IGF2R: variants seen among roughly 807,000 people sequenced by gnomAD.
IGF2R encodes insulin like growth factor 2 receptor.
A neutral mutation model predicts 270.6 loss-of-function variants in IGF2R; 91 were observed. That is an observed-to-expected ratio of 0.34 (90% CI 0.28 to 0.40). The LOEUF (loss-of-function observed/expected upper bound fraction) is 0.40, where lower values mean the gene tolerates loss of function less well. Among genes scored for constraint, IGF2R ranks in the 10% least tolerant of loss-of-function variants. The probability of loss-of-function intolerance (pLI) is 1.00; values close to 1 mark genes in which losing one functional copy is unlikely to be tolerated. For missense variants in IGF2R, 2,805 were observed against 3,188.3 expected, an observed-to-expected ratio of 0.88 and a Z score of 2.90; for synonymous variants, 1,316 against 1,258.9, an observed-to-expected ratio of 1.05 and a Z score of -0.96.
intron 19 of IGF2R, among the ~76,000 whole-genome samples, chr6:160,051,828 G>A (rs1473620751): frequency 1.3e-5 from 2 of 152,074 alleles, no homozygotes; most frequent in Non-Finnish European, 2.9e-5. Flanking sequence ...CAAGTGTGGT[G>A]GCTCATGCCT....
chr6:160,056,282 C>T, intron 19 of IGF2R, 142 bp from the exon 20 acceptor site: 1 of 648,676 alleles, frequency 1.5e-6, no homozygotes, highest in Non-Finnish European at 2.8e-6. Context: ...AGGTAATGCA[C>T]ATTAAGTGCC....
At position 160,084,433 on chromosome 6, in the gene IGF2R, A is replaced by T. The variant is rs1345422378; in HGVS notation, c.6068+249A>T. ...GAAACGGAGCCTCTGGAGCTGGAAG[A>T]ACCTGGGCGGACTGAGTTAGGCTGG... is the stretch of plus-strand genomic sequence containing the variant. On this transcript the variant is annotated intron_variant, in intron 40 of 47. Transcript: ENST00000356956. This position sits in a 1 kb window ranked among gnomAD's most constrained non-coding sequence, Gnocchi z 4.6. Among the ~76,000 whole-genome samples, 1 of 152,118 alleles carries T rather than the reference A, an allele frequency of 6.6e-6. No homozygotes were observed. Among genetic ancestry groups the T allele is most frequent in the East Asian group, 1.9e-4 (1 of 5,190 alleles).
In IGF2R at chr6:160,065,814, G is replaced by GTATATATATA. The variant is rs59035193; in HGVS notation, c.4115+935_4115+944dup. 8.1e-3 allele frequency among the ~76,000 whole-genome samples: 636 copies of GTATATATATA among 78,164 alleles called. 8 individuals carry two copies. The highest frequency in any genetic ancestry group is 0.011 in the Non-Finnish European group (457 of 42,826). The allele number at this position is 78,164 out of a possible 152,430, so 51.3% of individuals were successfully genotyped here. ...TGTGTGTGTGTGTGTGTGTGTGTGTGTATATATATATATATATATATATAT... is the reference window on the plus strand; with the variant it reads ...TGTGTGTGTGTGTGTGTGTGTGTGTGTATATATATATATATATATATATATATATATATAT... On this transcript the variant is annotated intron_variant, in intron 29 of 47. Coordinates refer to ENST00000356956, the MANE Select transcript of IGF2R (RefSeq NM_000876.4).
At chr6:160,000,472 C>T (rs955917327) in intron 2 of IGF2R, among the ~76,000 whole-genome samples, 3 of 152,134 alleles carry the variant, frequency 2.0e-5, no homozygotes, top group Non-Finnish European at 4.4e-5. Flanking sequence ...CACCAGGCCC[C>T]ACCTCCAACA....
At chr6:159,996,430 C>T (rs1583248603) in intron 2 of IGF2R, among the ~76,000 whole-genome samples, 2 of 152,270 alleles carry the variant, frequency 1.3e-5, no homozygotes, top group East Asian at 1.9e-4. Context: ...GCCTGAGCTA[C>T]CTGCTCAGCC....
At chr6:160,097,746 T>G (rs1562378565) in intron 45 of IGF2R, among the ~76,000 whole-genome samples, 1 of 152,080 alleles carries the variant, frequency 6.6e-6, no homozygotes, top group African/African-American at 2.4e-5. Flanking sequence ...GACCGTAGAG[T>G]CAGCAGACGA....
intron 41 of IGF2R, 60 bp downstream of exon 41, chr6:160,085,191 G>C: frequency 6.4e-7 from 1 of 1,569,870 alleles, no homozygotes; most frequent in South Asian, 1.1e-5. Flanking sequence ...GGGAAGGTGA[G>C]GGTGTTCTCA....
rs1320234880 is a variant in IGF2R, at chr6:160,110,094, GACCAC to G, written c.*5013_*5017del. On this transcript the variant is annotated 3_prime_UTR_variant, in exon 48 of 48. Coordinates refer to ENST00000356956, the MANE Select transcript of IGF2R (RefSeq NM_000876.4). ...TCAGAGTCTTTAAAGGAGAGTTGCTGACCACACGTGAAATCACAATAGAAAATGGC... is the reference window on the plus strand; with the variant it reads ...TCAGAGTCTTTAAAGGAGAGTTGCTGACGTGAAATCACAATAGAAAATGGC... 5 of 152,204 alleles carry G rather than the reference GACCAC, an allele frequency of 3.3e-5. No homozygotes were observed. 9.4% of individuals were successfully genotyped at this position (152,204 alleles called of 1,614,324 possible). A position where few individuals can be genotyped will look rare whatever the true frequency, so the allele number is the denominator to read the frequency against.
chr6:159,992,049 G>A (rs536258521), intron 2 of IGF2R, among the ~76,000 whole-genome samples: 7 of 152,180 alleles, frequency 4.6e-5, no homozygotes, highest in East Asian at 3.9e-4. Flanking sequence ...ATGGATGTCC[G>A]TGGTGACCTT....
rs1779519854 is a variant in IGF2R at position 160,102,866 on chromosome 6, A to C, written c.6995+195A>C. 6.6e-6 allele frequency among the ~76,000 whole-genome samples: 1 copy of C among 152,174 alleles called. No individual in the cohort carries two copies. The highest frequency in any genetic ancestry group is 2.1e-4 in the South Asian group (1 of 4,828). Reference sequence around the variant, plus strand: ...TAAATGCCTGCATTTCTGTCTGACCAAGGCCGAGGCCCTCGCACATCACCC... The same window carrying C: ...TAAATGCCTGCATTTCTGTCTGACCCAGGCCGAGGCCCTCGCACATCACCC... On this transcript the variant is annotated intron_variant, in intron 46 of 47. Coordinates refer to ENST00000356956, the MANE Select transcript of IGF2R (RefSeq NM_000876.4). The surrounding 1 kb of genome is among the most constrained non-coding windows in gnomAD (Gnocchi z 4.5).
rs1327746983 is a variant in IGF2R at position 160,047,827 on chromosome 6, C to T, written c.2265C>T (p.Tyr755=). Residue 755 remains tyrosine, a synonymous_variant, in exon 17 of 48, where the codon TAC becomes TAT. Coordinates refer to ENST00000356956, the MANE Select transcript of IGF2R (RefSeq NM_000876.4). The part of the protein sequence containing the change: ...EDNSTYNFRW[Y]TSYACPEEPL... ...ACTCCACCTACAACTTCCGGTGGTA[C>T]ACCAGCTATGCCTGCCCGGAGGAGC... 6.2e-7 allele frequency: 1 copy of T among 1,614,078 alleles called. No individual in the cohort carries two copies. The highest frequency in any genetic ancestry group is 8.5e-7 in the Non-Finnish European group (1 of 1,179,882).
intron 36 of IGF2R, 39 bp from the exon 37 acceptor site, chr6:160,078,162 C>T: frequency 6.2e-7 from 1 of 1,607,522 alleles, no homozygotes; most frequent in South Asian, 1.1e-5. Context: ...TATCCCTATG[C>T]CATGGGGTTT....
At chr6:160,021,884 T>C (rs1403517941) in intron 4 of IGF2R, among the ~76,000 whole-genome samples, 1 of 152,198 alleles carries the variant, frequency 6.6e-6, no homozygotes, top group Non-Finnish European at 1.5e-5. Context: ...CTACTGGGTA[T>C]CTACACAAAG....
chr6:160,095,610 A>C (rs1779338997), intron 44 of IGF2R: 1 of 152,216 alleles, frequency 6.6e-6, no homozygotes, highest in South Asian at 2.1e-4. Flanking sequence ...ACCACTGCTA[A>C]TCCCTTAGAA....
intron 8 of IGF2R, 76 bp from the exon 9 acceptor site, chr6:160,032,866 G>T: frequency 1.4e-6 from 2 of 1,391,952 alleles, no homozygotes; most frequent in South Asian, 2.7e-5. Context: ...ATTCAGGTTT[G>T]ACTAAGTAAG....
chr6:160,103,083 G>C (rs193258119), intron 46 of IGF2R, among the ~76,000 whole-genome samples: 1 of 152,270 alleles, frequency 6.6e-6, no homozygotes, highest in African/African-American at 2.4e-5. Context: ...ACTTTGCTGG[G>C]TGAAAGGACT....
Position 160,102,403 on chromosome 6 carries a change from C to A in IGF2R, c.6843-116C>A. 8.8e-7 allele frequency: 1 copy of A among 1,133,584 alleles called. No homozygotes were observed. Among genetic ancestry groups the A allele is most frequent in the Non-Finnish European group, 1.3e-6 (1 of 779,840 alleles). 70.2% of individuals were successfully genotyped at this position (1,133,584 alleles called of 1,614,324 possible). ...TTGTTTTCTGGGCAGGAGTAAGAAT[C>A]ACATGGTGTTGGGAAAGTCAGAGCT... On this transcript the variant is annotated intron_variant, in intron 45 of 47. Transcript: ENST00000356956. The surrounding 1 kb of genome is among the most constrained non-coding windows in gnomAD (Gnocchi z 4.5).
intron 10 of IGF2R, among the ~76,000 whole-genome samples, chr6:160,040,029 G>A (rs532545671): frequency 1.3e-5 from 2 of 152,310 alleles, no homozygotes; most frequent in South Asian, 2.1e-4. Context: ...GGACCTTGGC[G>A]TGCTTCACTG....
rs1413185906 is a variant in IGF2R at position 160,110,823 on chromosome 6, A to G, written c.*5739A>G. On this transcript the variant is annotated 3_prime_UTR_variant, in exon 48 of 48. Transcript: ENST00000356956. ...GCTAAGTGAAATAAGCCAGACACAG[A>G]AAGAAAAATACCAGATGATCTCACT... The G allele has an allele frequency of 6.6e-6, 1 of 152,230 alleles. No individual in the cohort carries two copies. Among genetic ancestry groups the G allele is most frequent in the Non-Finnish European group, 1.5e-5 (1 of 68,038 alleles). The allele number at this position is 152,230 out of a possible 1,614,324, so 9.4% of individuals were successfully genotyped here. A position where few individuals can be genotyped will look rare whatever the true frequency, so the allele number is the denominator to read the frequency against.
Sources: gnomAD v4.1 joint callset for allele counts (sites outside exome capture counted in the v4.1 genomes callset) on GRCh38, gnomAD v4.1.1 for gene constraint, Gnocchi (gnomAD v3.1) non-coding constraint, MANE v1.5 for transcripts, NCBI Gene and HGNC (gene_info 2026-07-23, HGNC 2026-07-21) for gene names.